Variants in ZNF777 observed in about 807,000 individuals in gnomAD.
The protein encoded by ZNF777 is zinc finger protein 777.
A neutral mutation model predicts 72.1 loss-of-function variants in ZNF777; 7 were observed. The observed-to-expected ratio is 0.10, with a 90% CI of 0.06 to 0.18. The LOEUF (loss-of-function observed/expected upper bound fraction) is 0.18. Among genes scored for constraint, ZNF777 ranks in the 10% least tolerant of loss-of-function variants. The pLI, the probability that ZNF777 is intolerant of heterozygous loss-of-function variation, is 1.00. For synonymous variants in ZNF777, 545 were observed against 483.5 expected, an observed-to-expected ratio of 1.13 and a Z score of -1.67; for missense variants, 828 against 1,128.6, an observed-to-expected ratio of 0.73 and a Z score of 3.82.
chr7:149,432,121 T>G lies in ZNF777; in HGVS notation c.2151A>C (p.Thr717=). ...SHLLRHQRTH[T]GERPFKCPEC... ...CGGGGCACTTGAAGGGCCGCTCGCC[T>G]GTGTGAGTCCGCTGGTGGCGCAGCA... Residue 717 remains threonine, a synonymous_variant, in exon 6 of 6, where the codon ACA becomes ACC. Transcript: ENST00000247930. The G allele has an allele frequency of 6.3e-7, 1 of 1,593,736 alleles. No individual in the cohort carries two copies. Among genetic ancestry groups the G allele is most frequent in the Non-Finnish European group, 8.5e-7 (1 of 1,175,762 alleles).
intron 5 of ZNF777, among the ~76,000 whole-genome samples, chr7:149,433,216 G>T (rs913904577): frequency 6.6e-6 from 1 of 152,196 alleles, no homozygotes; most frequent in East Asian, 1.9e-4. Context: ...GGACCGCAGG[G>T]GAAATCGCTT....
At chr7:149,440,254 A>G (rs541743315) in intron 4 of ZNF777, among the ~76,000 whole-genome samples, 1 of 152,368 alleles carries the variant, frequency 6.6e-6, no homozygotes, top group East Asian at 1.9e-4. Context: ...GACACGCTGC[A>G]GGACATGTAT....
intron 4 of ZNF777, among the ~76,000 whole-genome samples, chr7:149,441,905 T>C (rs1263979141): frequency 6.6e-6 from 1 of 152,088 alleles, no homozygotes; most frequent in African/African-American, 2.4e-5. Context: ...GTGATCATAG[T>C]GTTTACTAAA....
In ZNF777 at chr7:149,431,787, T is replaced by C. The variant is rs775621193; in HGVS notation, c.2485A>G (p.Thr829Ala). Residue 829 changes from threonine (T) to alanine (A), a missense_variant, in exon 6 of 6, where the codon ACG becomes GCG. Physicochemically the swap from Thr to Ala is moderately conservative, Grantham distance 58. Coordinates refer to ENST00000247930, the MANE Select transcript of ZNF777 (RefSeq NM_015694.3). Reference sequence around the variant, plus strand: ...GGCGGGGCGCGCGCTCACTCGCCCGTGTGGGTCCGCAGGTGGTACTTGAGC... The same window carrying C: ...GGCGGGGCGCGCGCTCACTCGCCCGCGTGGGTCCGCAGGTGGTACTTGAGC... ...QSLKYHLRTH[T>A]GE The C allele has an allele frequency of 8.8e-6, 14 of 1,592,056 alleles. No individual in the cohort carries two copies. In the South Asian group the frequency reaches 1.6e-4, roughly 18 times the overall value.
chr7:149,432,383 C>G lies in ZNF777; in HGVS notation c.1889G>C (p.Gly630Ala). 1 of 1,613,266 alleles carries G rather than the reference C, an allele frequency of 6.2e-7. No homozygotes were observed. Among genetic ancestry groups the G allele is most frequent in the African/African-American group, 1.3e-5 (1 of 75,054 alleles). The change falls in exon 6 of 6, where the codon GGC (glycine) becomes GCC (alanine). Residue 630 changes from glycine (G) to alanine (A), a missense_variant. Around this residue, in one of 12 missense-constraint regions of ZNF777, gnomAD observed 100 missense variants for 106.2 expected, o/e 0.94. Coordinates refer to ENST00000247930, the MANE Select transcript of ZNF777 (RefSeq NM_015694.3). ...GCACTTGTAGGGCTTAGGGCCACCG[C>G]CGCCGCTACCAGAGCTGGGTGACTT... ...RPKSPSSGSG[G>A]GGPKPYKCPE...
chr7:149,459,993 C>T, intron 1 of ZNF777: 1 of 938,784 alleles, frequency 1.1e-6, no homozygotes, highest in Non-Finnish European at 1.3e-6. Context: ...GGCGCCCCCA[C>T]CCCCCGCGCC....
In ZNF777 at chr7:149,438,914, C is replaced by T. The variant is rs59682733; in HGVS notation, c.1088-2088G>A. On this transcript the variant is annotated intron_variant, in intron 4 of 5. Transcript: ENST00000247930. ...GCTCTAATGTTCTCATTTACCCCCC[C>T]GCCACAGCCTTAAATGAAGACCTTT... 4.6e-5 allele frequency among the ~76,000 whole-genome samples: 7 copies of T among 152,246 alleles called. No homozygotes were observed. In the South Asian group the frequency reaches 8.3e-4, roughly 18 times the overall value.
chr7:149,445,264 G>A (rs558978199), intron 4 of ZNF777, among the ~76,000 whole-genome samples: 1 of 152,196 alleles, frequency 6.6e-6, no homozygotes, highest in South Asian at 2.1e-4. Context: ...TTTTACATGT[G>A]AGTATTCATA....
chr7:149,457,409 C>T (rs1162345206), intron 1 of ZNF777, among the ~76,000 whole-genome samples: 3 of 152,134 alleles, frequency 2.0e-5, no homozygotes, highest in Non-Finnish European at 1.5e-5. Flanking sequence ...AATTTTCTTC[C>T]GTTGAAAATT....
At chr7:149,440,139 T>C (rs1799482267) in intron 4 of ZNF777, among the ~76,000 whole-genome samples, 2 of 152,252 alleles carry the variant, frequency 1.3e-5, no homozygotes, top group Non-Finnish European at 1.5e-5. Flanking sequence ...CTGTTTCTAA[T>C]GACCTATTAG....
At chr7:149,435,098 T>C (rs1000505217) in intron 5 of ZNF777, among the ~76,000 whole-genome samples, 3 of 152,240 alleles carry the variant, frequency 2.0e-5, no homozygotes, top group African/African-American at 7.2e-5. Context: ...TATTCTGTTA[T>C]GAAAGACAGC....
chr7:149,455,523 T>C lies in ZNF777; in HGVS notation c.500A>G (p.Gln167Arg), dbSNP rs1799808345. Residue 167 changes from glutamine to arginine, a missense_variant, in exon 2 of 6, where the codon CAG becomes CGG. This residue lies in a region of ZNF777 where 222 missense variants were observed against 211.2 expected (regional missense o/e 1.05). Coordinates refer to ENST00000247930, the MANE Select transcript of ZNF777 (RefSeq NM_015694.3). This position sits in a 1 kb window ranked among gnomAD's most constrained non-coding sequence, Gnocchi z 4.2. ...SPVSQKDTPF[Q>R]ISSAVQKEQP... The stretch of plus-strand genomic sequence containing the variant: ...TTCCTTCTGGACTGCAGAAGAGATC[T>C]GGAAAGGGGTGTCCTTTTGGGAAAC... 1.2e-6 allele frequency: 2 copies of C among 1,613,708 alleles called. No homozygotes were observed. The highest frequency in any genetic ancestry group is 2.7e-5 in the African/African-American group (2 of 74,804).
intron 2 of ZNF777, among the ~76,000 whole-genome samples, chr7:149,454,810 C>T (rs1799789471): frequency 1.3e-5 from 2 of 152,178 alleles, no homozygotes; most frequent in Non-Finnish European, 2.9e-5. Context: ...GGGACAGATC[C>T]TTGTGATGTT....
rs1268477862 is a variant in ZNF777 at position 149,432,034 on chromosome 7, G to A, written c.2238C>T (p.Arg746=). The A allele has an allele frequency of 6.2e-7, 1 of 1,607,464 alleles. No individual in the cohort carries two copies. The highest frequency in any genetic ancestry group is 8.5e-7 in the Non-Finnish European group (1 of 1,179,532). Residue 746 remains arginine (R), a synonymous_variant, in exon 6 of 6, where the codon CGC becomes CGT. Transcript: ENST00000247930. ...ACTCGGGGCAGGCGTGCGGCCGCTC[G>A]CGCGAGTGCACGCGGCAGTGGTTGG... ...KLTNHCRVHS[R]ERPHACPECG...
rs1299612339 is a variant in ZNF777 at position 149,431,561 on chromosome 7, C to T, written c.*215G>A. Reference sequence around the variant, plus strand: ...AGCCCGAAAGGGTTCCCCAGGTCCGCGCCCTCCCCCCTGGGGCCCCCGGGG... The same window carrying T: ...AGCCCGAAAGGGTTCCCCAGGTCCGTGCCCTCCCCCCTGGGGCCCCCGGGG... On this transcript the variant is annotated 3_prime_UTR_variant, in exon 6 of 6. Coordinates refer to ENST00000247930, the MANE Select transcript of ZNF777 (RefSeq NM_015694.3). 1.1e-5 allele frequency: 5 copies of T among 471,622 alleles called. No homozygotes were observed. The highest frequency in any genetic ancestry group is 1.6e-5 in the South Asian group (1 of 62,984). 29.2% of individuals were successfully genotyped at this position (471,622 alleles called of 1,614,324 possible).
chr7:149,454,277 G>A (rs1271783080), intron 2 of ZNF777, 40 bp from the exon 3 acceptor site: 1 of 1,611,900 alleles, frequency 6.2e-7, no homozygotes, highest in Non-Finnish European at 8.5e-7. Flanking sequence ...CCGCTGGAAG[G>A]CAGTGACAGG....
chr7:149,452,213 C>G (rs894105827), intron 3 of ZNF777, among the ~76,000 whole-genome samples: 1 of 151,110 alleles, frequency 6.6e-6, no homozygotes, highest in Non-Finnish European at 1.5e-5. Flanking sequence ...TGCAGTGAGC[C>G]GAGATCGCGC....
Position 149,432,219 on chromosome 7 carries a change from C to G in ZNF777, c.2053G>C (p.Val685Leu). 1 of 1,606,506 alleles carries G rather than the reference C, an allele frequency of 6.2e-7. No homozygotes were observed. The highest frequency in any genetic ancestry group is 1.1e-5 in the South Asian group (1 of 91,042). The change falls in exon 6 of 6, where the codon GTG becomes CTG. Residue 685 changes from valine to leucine, a missense_variant. Physicochemically the swap from Val to Leu is conservative, Grantham distance 32. This residue lies in a region of ZNF777 where 26 missense variants were observed against 62.1 expected (regional missense o/e 0.42). Transcript: ENST00000247930. Reference protein sequence around the residue: ...LHISLVIHQRVHAGKHEVSFI... With the variant: ...LHISLVIHQRLHAGKHEVSFI... ...GAGACCTCATGCTTGCCCGCGTGCA[C>G]GCGCTGATGGATCACCAAGCTGATG...
chr7:149,436,920 A>C lies in ZNF777; in HGVS notation c.1088-94T>G. 1.5e-4 allele frequency: 221 copies of C among 1,445,750 alleles called. No homozygotes were observed. The highest frequency in any genetic ancestry group is 1.8e-4 in the Non-Finnish European group (195 of 1,064,390). The allele number at this position is 1,445,750 out of a possible 1,614,324, so 89.6% of individuals were successfully genotyped here. ...TCTGCAGCCCTACAATTTACATCTCAATAAGTCTTATCTTAGAGACCCTGA... is the reference window on the plus strand; with the variant it reads ...TCTGCAGCCCTACAATTTACATCTCCATAAGTCTTATCTTAGAGACCCTGA... On this transcript the variant is annotated intron_variant, in intron 4 of 5. Transcript: ENST00000247930. This position sits in a 1 kb window ranked among gnomAD's most constrained non-coding sequence, Gnocchi z 5.0.
Sources: allele counts gnomAD v4.1 joint callset (sites outside exome capture counted in the v4.1 genomes callset), GRCh38; gene constraint gnomAD v4.1.1; regional missense constraint gnomAD v4.1.1; non-coding constraint Gnocchi (gnomAD v3.1); transcripts MANE v1.5; gene names NCBI Gene and HGNC (gene_info 2026-07-23, HGNC 2026-07-21).